Variants in GRM3 observed in about 807,000 individuals in gnomAD.
GRM3 encodes the protein glutamate metabotropic receptor 3.
Under a neutral mutation model 70.5 loss-of-function variants are expected in GRM3, and 26 were observed. That is an observed-to-expected ratio of 0.37 (90% CI 0.27 to 0.51). The LOEUF (loss-of-function observed/expected upper bound fraction) is 0.51, where lower values mean the gene tolerates loss of function less well. Among genes scored for constraint, GRM3 ranks in the 20% least tolerant of loss-of-function variants. GRM3 has a pLI of 0.93. For missense variants in GRM3, 859 were observed against 1,123.8 expected, an observed-to-expected ratio of 0.76 and a Z score of 3.37; for synonymous variants, 443 against 434.9, an observed-to-expected ratio of 1.02 and a Z score of -0.23.
intron 2 of GRM3, among the ~76,000 whole-genome samples, chr7:86,781,685 C>T (rs148395128): frequency 1.4e-4 from 22 of 152,190 alleles, no homozygotes; most frequent in African/African-American, 5.1e-4. Context: ...TTTAGATCAT[C>T]TTCACAGTTT....
intron 4 of GRM3, among the ~76,000 whole-genome samples, chr7:86,840,587 T>C (rs1798540893): frequency 6.6e-6 from 1 of 152,070 alleles, no homozygotes; most frequent in African/African-American, 2.4e-5. Context: ...AATTACCATC[T>C]CTTTTGAAAG....
At chr7:86,698,194 T>C (rs1794861908) in intron 1 of GRM3, among the ~76,000 whole-genome samples, 2 of 152,112 alleles carry the variant, frequency 1.3e-5, no homozygotes, top group African/African-American at 4.8e-5. Flanking sequence ...TACCAAGGTT[T>C]CAATGTCCTC....
At chr7:86,850,257 A>T in intron 4 of GRM3, 113 bp from the exon 5 acceptor site, 1 of 679,676 alleles carries the variant, frequency 1.5e-6, no homozygotes, top group Non-Finnish European at 2.6e-6. Context: ...CAATAAGGAC[A>T]GAGCTGTCAA....
chr7:86,849,412 C>G (rs897265893), intron 4 of GRM3, among the ~76,000 whole-genome samples: 4 of 151,048 alleles, frequency 2.6e-5, no homozygotes, highest in African/African-American at 9.9e-5. Flanking sequence ...AATTATGCCA[C>G]AGGGCAGGCT....
At chr7:86,826,326 G>A (rs1408459138) in intron 3 of GRM3, among the ~76,000 whole-genome samples, 1 of 152,180 alleles carries the variant, frequency 6.6e-6, no homozygotes, top group Non-Finnish European at 1.5e-5. Context: ...GTTAGCTCTA[G>A]AAGACTATAT....
intron 1 of GRM3, among the ~76,000 whole-genome samples, chr7:86,689,315 C>T (rs911511395): frequency 6.6e-6 from 1 of 151,900 alleles, no homozygotes; most frequent in Non-Finnish European, 1.5e-5. Flanking sequence ...AAATGTGGGG[C>T]AGCGAGCAGT....
intron 1 of GRM3, among the ~76,000 whole-genome samples, chr7:86,733,444 T>G (rs1171844180): frequency 6.6e-6 from 1 of 152,074 alleles, no homozygotes; most frequent in Non-Finnish European, 1.5e-5. Flanking sequence ...TCTTCCTTCC[T>G]GAAGGTACCA....
At chr7:86,806,187 T>G (rs142273053) in intron 3 of GRM3, among the ~76,000 whole-genome samples, 5 of 152,328 alleles carry the variant, frequency 3.3e-5, no homozygotes, top group African/African-American at 1.2e-4. Context: ...TTTGGTATTG[T>G]GAATAGTGCC....
intron 1 of GRM3, among the ~76,000 whole-genome samples, chr7:86,673,508 C>T (rs1322755006): frequency 6.6e-6 from 1 of 152,054 alleles, no homozygotes; most frequent in Non-Finnish European, 1.5e-5. Flanking sequence ...TTCTGGTTTC[C>T]TTCATATCTT....
chr7:86,646,871 T>C (rs886544589), intron 1 of GRM3, among the ~76,000 whole-genome samples: 4 of 152,174 alleles, frequency 2.6e-5, no homozygotes, highest in African/African-American at 7.2e-5. Context: ...CTACTTATTT[T>C]TGCACAATGG....
chr7:86,667,297 G>C (rs1404992619), intron 1 of GRM3, among the ~76,000 whole-genome samples: 2 of 152,068 alleles, frequency 1.3e-5, no homozygotes, highest in African/African-American at 4.8e-5. Context: ...CTAAAGCAGA[G>C]AGAAGGGAAA....
chr7:86,699,925 G>A (rs1794912137), intron 1 of GRM3, among the ~76,000 whole-genome samples: 1 of 151,932 alleles, frequency 6.6e-6, no homozygotes, highest in East Asian at 1.9e-4. Flanking sequence ...ATAATTTTGA[G>A]AGATCTTAAT....
At chr7:86,719,546 C>G (rs1795405248) in intron 1 of GRM3, among the ~76,000 whole-genome samples, 1 of 151,968 alleles carries the variant, frequency 6.6e-6, no homozygotes, top group African/African-American at 2.4e-5. Context: ...TTAAGGTGGA[C>G]TTATTGGGTC....
intron 1 of GRM3, among the ~76,000 whole-genome samples, chr7:86,757,377 T>C (rs1285226058): frequency 6.6e-6 from 1 of 152,238 alleles, no homozygotes; most frequent in Admixed American, 6.5e-5. Flanking sequence ...TTTCATTCTT[T>C]ATAAGGACAG....
intron 1 of GRM3, among the ~76,000 whole-genome samples, chr7:86,680,264 T>C (rs192709577): frequency 1.1e-4 from 16 of 152,274 alleles, no homozygotes; most frequent in Admixed American, 5.2e-4. Flanking sequence ...AAAATTGGAA[T>C]AACATATTTT....
At chr7:86,853,970 G>T (rs149716351) in intron 5 of GRM3, among the ~76,000 whole-genome samples, 2 of 152,194 alleles carry the variant, frequency 1.3e-5, no homozygotes, top group East Asian at 3.9e-4. Flanking sequence ...TAATGAGCAA[G>T]TTCCATAAAA....
At chr7:86,667,568 G>A (rs76259509) in intron 1 of GRM3, among the ~76,000 whole-genome samples, 7 of 152,042 alleles carry the variant, frequency 4.6e-5, no homozygotes, top group African/African-American at 1.7e-4. Context: ...AAGAATGGGG[G>A]TTCACACTGC....
At chr7:86,689,780 T>C (rs905211981) in intron 1 of GRM3, among the ~76,000 whole-genome samples, 3 of 152,164 alleles carry the variant, frequency 2.0e-5, no homozygotes, top group South Asian at 4.1e-4. Flanking sequence ...CAATATAAAT[T>C]AGAAAATTTT....
At position 86,786,239 on chromosome 7, in the gene GRM3, G is replaced by A. The variant is rs781026918; in HGVS notation, c.469-22G>A. Reference sequence around the variant, plus strand: ...ATCTACCTCGGGGTTTCTAACAAAGGTCCTTCTTCTCCCTCCCCTAGGTGG... The same window carrying A: ...ATCTACCTCGGGGTTTCTAACAAAGATCCTTCTTCTCCCTCCCCTAGGTGG... On this transcript the variant is annotated intron_variant, in intron 2 of 5. Transcript: ENST00000361669. This position sits in a 1 kb window ranked among gnomAD's most constrained non-coding sequence, Gnocchi z 6.0. 5.0e-6 allele frequency: 8 copies of A among 1,592,602 alleles called. No individual in the cohort carries two copies.
Sources: gnomAD v4.1 joint callset for allele counts (sites outside exome capture counted in the v4.1 genomes callset) on GRCh38, gnomAD v4.1.1 for gene constraint, Gnocchi (gnomAD v3.1) non-coding constraint, MANE v1.5 for transcripts, NCBI Gene and HGNC (gene_info 2026-07-23, HGNC 2026-07-21) for gene names.